Variants in FAF1 observed in about 807,000 individuals in gnomAD.
The protein encoded by FAF1 is FAS-associated factor 1.
FAF1 carries 25 observed loss-of-function variants against 92.5 expected under a neutral mutation model. That is an observed-to-expected ratio of 0.27 (90% CI 0.20 to 0.38). The LOEUF (loss-of-function observed/expected upper bound fraction) is 0.38, where lower values mean the gene tolerates loss of function less well. Among genes scored for constraint, FAF1 ranks in the 10% least tolerant of loss-of-function variants. The pLI, the probability that FAF1 is intolerant of heterozygous loss-of-function variation, is 1.00. For synonymous variants in FAF1, 234 were observed against 273.2 expected (o/e 0.86, Z 1.42); for missense variants, 636 against 793.3 (o/e 0.80, Z 2.38).
At chr1:50,532,136 A>G (rs1258466733) in intron 15 of FAF1, among the ~76,000 whole-genome samples, 2 of 152,188 alleles carry the variant, frequency 1.3e-5, no homozygotes, top group Non-Finnish European at 2.9e-5. Context: ...TAGGAACTCT[A>G]TTATAACTTG....
intron 8 of FAF1, among the ~76,000 whole-genome samples, chr1:50,647,791 TGTG>T: frequency 6.6e-6 from 1 of 152,100 alleles, no homozygotes; most frequent in African/African-American, 2.4e-5. Context: ...TTAAGTTGCT[TGTG>T]GTGACCCAGA....
intron 2 of FAF1, among the ~76,000 whole-genome samples, chr1:50,813,968 C>CATAT: frequency 6.6e-6 from 1 of 151,956 alleles, no homozygotes; most frequent in East Asian, 1.9e-4. Flanking sequence ...AGTACCACAC[C>CATAT]ATATATATAT....
At chr1:50,850,188 A>G (rs946141232) in intron 2 of FAF1, among the ~76,000 whole-genome samples, 9 of 152,188 alleles carry the variant, frequency 5.9e-5, no homozygotes, top group African/African-American at 2.2e-4. Flanking sequence ...AGGGAGATCT[A>G]TAATAGCAAA....
chr1:50,581,161 T>G (rs977837132), intron 12 of FAF1, among the ~76,000 whole-genome samples: 8 of 152,196 alleles, frequency 5.3e-5, no homozygotes, highest in African/African-American at 1.9e-4. Context: ...CATTTTTATA[T>G]AGATTGAACA....
intron 8 of FAF1, among the ~76,000 whole-genome samples, chr1:50,598,325 T>C (rs1651928992): frequency 6.6e-6 from 1 of 151,766 alleles, no homozygotes; most frequent in Non-Finnish European, 1.5e-5. Context: ...TAGCTGGGCA[T>C]GGTGGAACAC....
At chr1:50,805,233 A>T (rs1662146636) in intron 2 of FAF1, among the ~76,000 whole-genome samples, 2 of 152,294 alleles carry the variant, frequency 1.3e-5, no homozygotes, top group South Asian at 4.1e-4. Context: ...TCTTGCCTTG[A>T]CCTAGTTTAT....
chr1:50,843,266 T>C (rs547793976), intron 2 of FAF1, among the ~76,000 whole-genome samples: 2 of 152,184 alleles, frequency 1.3e-5, no homozygotes, highest in Non-Finnish European at 2.9e-5. Flanking sequence ...CTTCATTTTA[T>C]GGATATATAA....
chr1:50,862,899 A>G (rs1045847037), intron 1 of FAF1, among the ~76,000 whole-genome samples: 9 of 152,000 alleles, frequency 5.9e-5, no homozygotes, highest in Admixed American at 5.3e-4. Context: ...AAGCTCTAGG[A>G]AATGAGATGA....
intron 8 of FAF1, among the ~76,000 whole-genome samples, chr1:50,616,681 ATTT>A (rs201295380): frequency 2.2e-5 from 3 of 136,126 alleles, no homozygotes; most frequent in Non-Finnish European, 1.6e-5. Flanking sequence ...TTGTATACTG[ATTT>A]TTTTTTTTTT....
intron 1 of FAF1, among the ~76,000 whole-genome samples, chr1:50,915,680 C>T (rs1644914395): frequency 2.0e-5 from 3 of 151,888 alleles, no homozygotes; most frequent in African/African-American, 7.3e-5. Flanking sequence ...TCCATCTTCA[C>T]ACAGTGAAGC....
At chr1:50,815,693 T>C (rs1337841959) in intron 2 of FAF1, among the ~76,000 whole-genome samples, 1 of 152,252 alleles carries the variant, frequency 6.6e-6, no homozygotes, top group Non-Finnish European at 1.5e-5. Flanking sequence ...CTTTTCCCTA[T>C]AGCTTCATCA....
chr1:50,665,266 G>A (rs1655568879), intron 7 of FAF1, among the ~76,000 whole-genome samples: 1 of 152,102 alleles, frequency 6.6e-6, no homozygotes, highest in African/African-American at 2.4e-5. Context: ...GAAATACTGT[G>A]GACCTGAAAT....
chr1:50,650,090 G>A (rs1230563187), intron 8 of FAF1, among the ~76,000 whole-genome samples: 1 of 149,990 alleles, frequency 6.7e-6, no homozygotes, highest in Non-Finnish European at 1.5e-5. Context: ...TTCGAGACCA[G>A]CCTGACTAAC....
At chr1:50,513,850 T>C (rs1392901692) in intron 15 of FAF1, among the ~76,000 whole-genome samples, 2 of 152,208 alleles carry the variant, frequency 1.3e-5, no homozygotes, top group African/African-American at 4.8e-5. Flanking sequence ...CAGAGTCACA[T>C]AGCTTGTTAG....
chr1:50,566,966 C>T (rs1650201278), intron 13 of FAF1, 111 bp downstream of exon 13: 2 of 736,068 alleles, frequency 2.7e-6, no homozygotes, highest in East Asian at 2.8e-5. Flanking sequence ...TAATGAAATG[C>T]AATGGTAGAG....
intron 1 of FAF1, among the ~76,000 whole-genome samples, chr1:50,900,678 CTCAG>C (rs746533888): frequency 6.6e-4 from 100 of 152,282 alleles, no homozygotes; most frequent in Non-Finnish European, 1.1e-3. Context: ...ACAGCACATG[CTCAG>C]TAAGTCTCTT....
chr1:50,671,855 T>C (rs552009767), intron 7 of FAF1, among the ~76,000 whole-genome samples: 1 of 151,828 alleles, frequency 6.6e-6, no homozygotes, highest in African/African-American at 2.4e-5. Flanking sequence ...TCACCCAGAC[T>C]GGAGTGCAGT....
intron 2 of FAF1, among the ~76,000 whole-genome samples, chr1:50,827,445 G>A (rs908236725): frequency 3.9e-5 from 6 of 152,114 alleles, no homozygotes; most frequent in African/African-American, 1.4e-4. Context: ...CTCCTTAAGA[G>A]TCATCACCAC....
intron 6 of FAF1, among the ~76,000 whole-genome samples, chr1:50,707,188 G>A (rs1657708799): frequency 7.1e-6 from 1 of 140,360 alleles, no homozygotes; most frequent in African/African-American, 2.9e-5. Context: ...GGGTGACACA[G>A]CGAGACTCTG....
Sources: gnomAD v4.1 joint callset for allele counts (sites outside exome capture counted in the v4.1 genomes callset) on GRCh38, gnomAD v4.1.1 for gene constraint, MANE v1.5 for transcripts, NCBI Gene and HGNC (gene_info 2026-07-23, HGNC 2026-07-21) for gene names.